The following PPARGC1B variants were observed in gnomAD, a reference collection of about 807,000 sequenced individuals.
PPARGC1B encodes the protein peroxisome proliferator-activated receptor gamma coactivator 1-beta.
A neutral mutation model predicts 101.6 loss-of-function variants in PPARGC1B; 34 were observed. The observed-to-expected ratio is 0.33, with a 90% CI of 0.25 to 0.45. The LOEUF is 0.45. PPARGC1B is among the 20% of genes least tolerant of loss of function. The pLI is 1.00. For synonymous variants in PPARGC1B, 548 were observed against 539.3 expected (o/e 1.02, Z -0.22); for missense variants, 1,234 against 1,317.6 (o/e 0.94, Z 0.98).
chr5:149,770,791 C>T (rs1756101471), intron 1 of PPARGC1B, among the ~76,000 whole-genome samples: 1 of 150,960 alleles, frequency 6.6e-6, no homozygotes, highest in African/African-American at 2.4e-5. Context: ...ATGATCACTG[C>T]ACTCCAGCCC....
chr5:149,746,873 T>A (rs909270301), intron 1 of PPARGC1B, among the ~76,000 whole-genome samples: 1 of 152,214 alleles, frequency 6.6e-6, no homozygotes, highest in Non-Finnish European at 1.5e-5. Context: ...TTTTAATGTG[T>A]TTACTGGCCA....
intron 1 of PPARGC1B, among the ~76,000 whole-genome samples, chr5:149,765,770 A>G (rs1581028393): frequency 6.7e-6 from 1 of 149,776 alleles, no homozygotes; most frequent in Admixed American, 6.8e-5. Context: ...CTGAGGCAGG[A>G]GAATGGCGTG....
chr5:149,731,431 G>C (rs992231418), intron 1 of PPARGC1B, among the ~76,000 whole-genome samples: 2 of 152,182 alleles, frequency 1.3e-5, no homozygotes, highest in African/African-American at 2.4e-5. Context: ...GCCCGGCTGC[G>C]GGTCATTGGG....
rs1384540657 is a variant in PPARGC1B, at chr5:149,851,704, TA to T, written c.*4147del. 3.3e-5 allele frequency: 5 copies of T among 152,254 alleles called. No individual in the cohort carries two copies. The highest frequency in any genetic ancestry group is 5.9e-5 in the Non-Finnish European group (4 of 68,064). 9.4% of individuals were successfully genotyped at this position (152,254 alleles called of 1,614,324 possible). A position where few individuals can be genotyped will look rare whatever the true frequency, so the allele number is the denominator to read the frequency against. On this transcript the variant is annotated 3_prime_UTR_variant, in exon 12 of 12. Transcript: ENST00000309241. ...AGTCCCCTAGTCCCTGAGGGGTTTTTACACACAGATGGGCTCCAGGTCTGCT... is the reference window on the plus strand; with the variant it reads ...AGTCCCCTAGTCCCTGAGGGGTTTTTCACACAGATGGGCTCCAGGTCTGCT...
intron 10 of PPARGC1B, 92 bp downstream of exon 10, chr5:149,842,469 T>C (rs1759391461): frequency 6.5e-7 from 1 of 1,546,438 alleles, no homozygotes. Flanking sequence ...CCAAGATTTG[T>C]GAAATGAATC....
At chr5:149,791,155 G>C (rs1358979535) in intron 1 of PPARGC1B, among the ~76,000 whole-genome samples, 1 of 135,762 alleles carries the variant, frequency 7.4e-6, no homozygotes, top group Admixed American at 8.1e-5. Flanking sequence ...ACAGGTGCAT[G>C]CCTGTAATCC....
chr5:149,796,664 AGAATGGT>A (rs1215988603), intron 1 of PPARGC1B, among the ~76,000 whole-genome samples: 1 of 152,122 alleles, frequency 6.6e-6, no homozygotes, highest in Non-Finnish European at 1.5e-5. Context: ...GAGAGAGATG[AGAATGGT>A]ATTTTGGAGA....
intron 1 of PPARGC1B, among the ~76,000 whole-genome samples, chr5:149,813,397 G>A (rs542077328): frequency 9.2e-5 from 14 of 152,290 alleles, no homozygotes; most frequent in African/African-American, 3.4e-4. Flanking sequence ...ATCCCAGGCC[G>A]ACCTGAAGAG....
chr5:149,851,843 G>T lies in PPARGC1B; in HGVS notation c.*4285G>T, dbSNP rs181883015. On this transcript the variant is annotated 3_prime_UTR_variant, in exon 12 of 12. Transcript: ENST00000309241. ...CATGGGATGGGGGAGGCCCTGAGCC[G>T]GCTACAAGACACCCAGGAAGTAGGC... 1 of 152,182 alleles carries T rather than the reference G, an allele frequency of 6.6e-6. No homozygotes were observed. Among genetic ancestry groups the T allele is most frequent in the Non-Finnish European group, 1.5e-5 (1 of 68,058 alleles). The allele number at this position is 152,182 out of a possible 1,614,324, so 9.4% of individuals were successfully genotyped here.
Position 149,730,855 on chromosome 5 carries a change from C to T in PPARGC1B, c.78+435C>T, listed in dbSNP as rs537282101. Reference sequence around the variant, plus strand: ...CCGGCACGGGTGCATGCCCGGGTCTCCGGAGTCCCCTAGTCCTCCAGGCTG... The same window carrying T: ...CCGGCACGGGTGCATGCCCGGGTCTTCGGAGTCCCCTAGTCCTCCAGGCTG... On this transcript the variant is annotated intron_variant, in intron 1 of 11. Transcript: ENST00000309241. The surrounding 1 kb of genome is among the most constrained non-coding windows in gnomAD (Gnocchi z 4.0). 6.6e-6 allele frequency among the ~76,000 whole-genome samples: 1 copy of T among 152,336 alleles called. No individual in the cohort carries two copies. The highest frequency in any genetic ancestry group is 2.1e-4 in the South Asian group (1 of 4,832).
In PPARGC1B at chr5:149,833,485, GCT is replaced by G; in HGVS notation, c.1415_1416del (p.Ser472CysfsTer13). On this transcript the variant is annotated frameshift_variant, in exon 5 of 12. Transcript: ENST00000309241. LOFTEE classifies it high-confidence loss of function. The surrounding 1 kb of genome is among the most constrained non-coding windows in gnomAD (Gnocchi z 4.1). The stretch of plus-strand genomic sequence containing the variant: ...ACGAAGCTGGGGAGGAAGCTGGAGA[GCT>G]CTGTGTGCCCCGTGCGGCGTTCTCG... 1 of 1,566,144 alleles carries G rather than the reference GCT, an allele frequency of 6.4e-7. No homozygotes were observed. The highest frequency in any genetic ancestry group is 8.7e-7 in the Non-Finnish European group (1 of 1,155,108).
At chr5:149,740,243 CCTT>C (rs1169964936) in intron 1 of PPARGC1B, 1 of 152,146 alleles carries the variant, frequency 6.6e-6, no homozygotes, top group Non-Finnish European at 1.5e-5. Flanking sequence ...TTTCTTTTGG[CCTT>C]CTTTTTCTAT....
At chr5:149,830,055 G>GAAAAAAAAAAAAAAAAAAAAAAAAAAA (rs71587791) in intron 3 of PPARGC1B, among the ~76,000 whole-genome samples, 1 of 89,814 alleles carries the variant, frequency 1.1e-5, no homozygotes, top group Non-Finnish European at 2.1e-5. Flanking sequence ...AAAAAAAAAA[G>GAAAAAAAAAAAAAAAAAAAAAAAAAAA]AAAAAAAAAA....
intron 1 of PPARGC1B, among the ~76,000 whole-genome samples, chr5:149,784,863 G>C (rs959725514): frequency 6.6e-6 from 1 of 151,892 alleles, no homozygotes; most frequent in African/African-American, 2.4e-5. Flanking sequence ...CACCGCGCCC[G>C]GTCCAGCCAA....
intron 1 of PPARGC1B, among the ~76,000 whole-genome samples, chr5:149,802,195 C>T (rs1757451838): frequency 6.6e-6 from 1 of 152,114 alleles, no homozygotes; most frequent in Non-Finnish European, 1.5e-5. Context: ...CTGCCCTGAC[C>T]TCAGGAACCA....
chr5:149,832,078 G>A lies in PPARGC1B; in HGVS notation c.583-578G>A, dbSNP rs1458343666. ...TCCCAGCACTTTGGGAGGCTGAGGC[G>A]GGAGGATCACTTGAGCTCAGGAGTT... On this transcript the variant is annotated intron_variant, in intron 4 of 11. Transcript: ENST00000309241. The surrounding 1 kb of genome is among the most constrained non-coding windows in gnomAD (Gnocchi z 4.9). 1.3e-5 allele frequency among the ~76,000 whole-genome samples: 2 copies of A among 152,116 alleles called. No homozygotes were observed. The highest frequency in any genetic ancestry group is 1.5e-5 in the Non-Finnish European group (1 of 67,968).
intron 1 of PPARGC1B, among the ~76,000 whole-genome samples, chr5:149,735,896 C>T (rs960656023): frequency 6.6e-6 from 1 of 152,194 alleles, no homozygotes; most frequent in Non-Finnish European, 1.5e-5. Flanking sequence ...GAGGCCAAGG[C>T]GGGCAGATCA....
intron 1 of PPARGC1B, among the ~76,000 whole-genome samples, chr5:149,775,738 G>A (rs746154816): frequency 7.9e-5 from 12 of 152,154 alleles, no homozygotes; most frequent in African/African-American, 2.7e-4. Flanking sequence ...TCCTAGGATG[G>A]GAGCCAGGAA....
rs1235818447 is a variant in PPARGC1B at position 149,836,603 on chromosome 5, G to A, written c.2148G>A (p.Gly716=). The part of the protein sequence containing the change: ...RKVLRSWEPS[G]VHLEDWPQQG... ...TGCTGAGGTCCTGGGAGCCGTCTGG[G>A]GTTCACCTTGAGGACTGGCCCCAGC... The change falls in exon 8 of 12, where the codon GGG becomes GGA. Residue 716 remains glycine (G), a synonymous_variant. Transcript: ENST00000309241. 6.2e-7 allele frequency: 1 copy of A among 1,613,846 alleles called. No individual in the cohort carries two copies. The highest frequency in any genetic ancestry group is 1.7e-5 in the Admixed American group (1 of 60,034).
Sources: gnomAD v4.1 joint callset for allele counts (sites outside exome capture counted in the v4.1 genomes callset) on GRCh38, gnomAD v4.1.1 for gene constraint, Gnocchi (gnomAD v3.1) non-coding constraint, MANE v1.5 for transcripts, NCBI Gene and HGNC (gene_info 2026-07-23, HGNC 2026-07-21) for gene names.